DNAH7: variants seen among roughly 807,000 people sequenced by gnomAD.
DNAH7 encodes axonemal beta dynein heavy chain 7.
A neutral mutation model predicts 444.6 loss-of-function variants in DNAH7; 397 were observed. The ratio of observed to expected loss-of-function variants is 0.89; its 90% CI spans 0.82 to 0.97. DNAH7 has a LOEUF of 0.97. Among genes scored for constraint, DNAH7 ranks in the 50% least tolerant of loss-of-function variants. DNAH7 has a pLI of 0.00. For missense variants in DNAH7, 4,902 were observed against 4,800.8 expected (o/e 1.02, Z -0.62); for synonymous variants, 1,636 against 1,624.4 (o/e 1.01, Z -0.17).
Position 195,891,650 on chromosome 2 carries a change from C to A in DNAH7, c.5046+5G>T. 6.4e-7 allele frequency: 1 copy of A among 1,570,306 alleles called. No individual in the cohort carries two copies. The highest frequency in any genetic ancestry group is 2.3e-5 in the East Asian group (1 of 43,594). ...AGATATGCATGTGAAAGTGTTAGAACTTACCACTGAAGAGGCAAATGCTCT... is the reference window on the plus strand; with the variant it reads ...AGATATGCATGTGAAAGTGTTAGAAATTACCACTGAAGAGGCAAATGCTCT... On this transcript the variant is annotated splice_donor_5th_base_variant and intron_variant, in intron 31 of 64. Coordinates refer to ENST00000312428, the MANE Select transcript of DNAH7 (RefSeq NM_018897.3).
intron 39 of DNAH7, among the ~76,000 whole-genome samples, 179 bp downstream of exon 39, chr2:195,873,389 C>T (rs933429085): frequency 1.3e-5 from 2 of 152,020 alleles, no homozygotes; most frequent in African/African-American, 4.8e-5. Context: ...ATGGTCAGAC[C>T]TCTTTGTGTT....
At chr2:196,032,394 A>G (rs943389177) in intron 5 of DNAH7, among the ~76,000 whole-genome samples, 3 of 152,226 alleles carry the variant, frequency 2.0e-5, no homozygotes, top group African/African-American at 7.2e-5. Flanking sequence ...TCATACAGGA[A>G]GGAAAACAAT....
intron 61 of DNAH7, among the ~76,000 whole-genome samples, chr2:195,758,910 C>T (rs1694211722): frequency 6.6e-6 from 1 of 152,186 alleles, no homozygotes; most frequent in Admixed American, 6.5e-5. Flanking sequence ...AGCCTTGCCA[C>T]CACCAGCTAA....
chr2:195,952,435 G>A (rs1690327270), intron 19 of DNAH7, among the ~76,000 whole-genome samples: 1 of 152,112 alleles, frequency 6.6e-6, no homozygotes, highest in Admixed American at 6.6e-5. Context: ...GAGTATCTCT[G>A]TGGTGTTCTC....
At chr2:195,744,009 G>A (rs1693214542) in intron 63 of DNAH7, among the ~76,000 whole-genome samples, 1 of 152,198 alleles carries the variant, frequency 6.6e-6, no homozygotes, top group South Asian at 2.1e-4. Context: ...CAGACAGTGG[G>A]TGCAGGACAG....
Position 195,856,255 on chromosome 2 carries a change from G to A in DNAH7, c.8415-264C>T, listed in dbSNP as rs143165552. ...GAATTTTGATAACTTTCCAAAAGGA[G>A]AGTAGGATAGTCATGTAGAATATTA... On this transcript the variant is annotated intron_variant, in intron 44 of 64. Coordinates refer to ENST00000312428, the MANE Select transcript of DNAH7 (RefSeq NM_018897.3). Among the ~76,000 whole-genome samples, 7 of 152,274 alleles carry A rather than the reference G, an allele frequency of 4.6e-5. No individual in the cohort carries two copies. The East Asian group carries it at 1.3e-3, about 29-fold the overall frequency.
At chr2:195,961,267 T>C (rs1201257825) in intron 17 of DNAH7, among the ~76,000 whole-genome samples, 3 of 152,186 alleles carry the variant, frequency 2.0e-5, no homozygotes, top group Non-Finnish European at 4.4e-5. Context: ...CAACCTACTC[T>C]CTTAGCAATG....
intron 60 of DNAH7, among the ~76,000 whole-genome samples, chr2:195,774,536 A>G (rs1694981262): frequency 6.6e-6 from 1 of 152,232 alleles, no homozygotes; most frequent in Non-Finnish European, 1.5e-5. Flanking sequence ...AGAATCTGGA[A>G]AGAGAATATA....
chr2:195,814,281 A>G (rs1182663498), intron 51 of DNAH7, among the ~76,000 whole-genome samples: 1 of 152,228 alleles, frequency 6.6e-6, no homozygotes, highest in Non-Finnish European at 1.5e-5. Context: ...GCAGACATAC[A>G]TAAGATTTTA....
At chr2:195,901,257 T>C (rs1006400519) in intron 27 of DNAH7, 4 of 152,094 alleles carry the variant, frequency 2.6e-5, no homozygotes, top group Non-Finnish European at 4.4e-5. Context: ...AAACATCACA[T>C]TGTACACCTT....
intron 1 of DNAH7, among the ~76,000 whole-genome samples, chr2:196,064,166 T>C (rs936335711): frequency 6.6e-6 from 1 of 151,862 alleles, no homozygotes; most frequent in African/African-American, 2.4e-5. Context: ...AATACAAAAA[T>C]TAGCTGGGCG....
In DNAH7 at chr2:195,910,145, G is replaced by A. The variant is rs1488008501; in HGVS notation, c.3986C>T (p.Pro1329Leu). ...HLHLGGAPEG[P>L]AGTGKTETTK... ...AGTTTCAGTCTTCCCAGTGCCAGCT[G>A]GACCCTCAGGTGCTCCTCCAAGGTG... Residue 1329 changes from proline to leucine, a missense_variant, in exon 25 of 65, where the codon CCA becomes CTA. By Grantham distance (98) the Pro-to-Leu change is moderately conservative. Transcript: ENST00000312428. 1 of 1,613,404 alleles carries A rather than the reference G, an allele frequency of 6.2e-7. No individual in the cohort carries two copies. Among genetic ancestry groups the A allele is most frequent in the South Asian group, 1.1e-5 (1 of 90,964 alleles).
At chr2:195,872,917 A>G (rs1366519654) in intron 39 of DNAH7, among the ~76,000 whole-genome samples, 2 of 151,610 alleles carry the variant, frequency 1.3e-5, no homozygotes, top group African/African-American at 4.9e-5. Flanking sequence ...AATACGTAAA[A>G]AAAATAAGGA....
At chr2:195,947,793 C>T (rs1005189337) in intron 19 of DNAH7, among the ~76,000 whole-genome samples, 2 of 152,044 alleles carry the variant, frequency 1.3e-5, no homozygotes, top group African/African-American at 4.8e-5. Flanking sequence ...ATTTATAATC[C>T]TGTGGGTATA....
intron 49 of DNAH7, among the ~76,000 whole-genome samples, chr2:195,823,948 C>T (rs1299050556): frequency 3.3e-5 from 5 of 152,120 alleles, no homozygotes; most frequent in Admixed American, 2.0e-4. Flanking sequence ...AGCATATAAT[C>T]ATTTATTACA....
chr2:196,040,367 T>C (rs1353831903), intron 5 of DNAH7, among the ~76,000 whole-genome samples: 1 of 151,984 alleles, frequency 6.6e-6, no homozygotes, highest in Non-Finnish European at 1.5e-5. Context: ...AAAGATAATA[T>C]ACCACAATCC....
intron 63 of DNAH7, among the ~76,000 whole-genome samples, chr2:195,748,140 C>G (rs1474894338): frequency 1.3e-5 from 2 of 152,326 alleles, no homozygotes; most frequent in Non-Finnish European, 2.9e-5. Flanking sequence ...AGCAATGTCT[C>G]AGGATACAAA....
intron 63 of DNAH7, among the ~76,000 whole-genome samples, chr2:195,746,026 A>C (rs1693380399): frequency 1.3e-5 from 2 of 152,198 alleles, no homozygotes; most frequent in Non-Finnish European, 2.9e-5. Context: ...AAATGGACTA[A>C]ATGCTCCAAT....
chr2:195,771,467 T>C (rs2105939270), intron 61 of DNAH7, among the ~76,000 whole-genome samples, 193 bp downstream of exon 61: 1 of 152,280 alleles, frequency 6.6e-6, no homozygotes, highest in East Asian at 1.9e-4. Context: ...CCTCTATACT[T>C]ATTTCCCTGT....
Sources: allele counts gnomAD v4.1 joint callset (sites outside exome capture counted in the v4.1 genomes callset), GRCh38; gene constraint gnomAD v4.1.1; transcripts MANE v1.5; gene names NCBI Gene and HGNC (gene_info 2026-07-23, HGNC 2026-07-21).